MGAT4C: variants seen among roughly 807,000 people sequenced by gnomAD.
The protein encoded by MGAT4C is MGAT4 family member C.
A neutral mutation model predicts 40.1 loss-of-function variants in MGAT4C; 19 were observed. The ratio of observed to expected loss-of-function variants is 0.47; its 90% CI spans 0.33 to 0.70. The LOEUF (loss-of-function observed/expected upper bound fraction) is 0.70, where lower values mean the gene tolerates loss of function less well. MGAT4C is among the 30% of genes least tolerant of loss of function. The pLI is 0.02. For synonymous variants in MGAT4C, 181 were observed against 187.1 expected (o/e 0.97, Z 0.27); for missense variants, 491 against 563.2 (o/e 0.87, Z 1.30).
chr12:86,017,203 AGT>A (rs754023305), intron 2 of MGAT4C, among the ~76,000 whole-genome samples: 1 of 151,858 alleles, frequency 6.6e-6, no homozygotes, highest in Non-Finnish European at 1.5e-5. Context: ...CTGTGGTTTG[AGT>A]GTGTGTGTGT....
chr12:86,598,050 A>ACTTTTCTATGTAAAGAAAAGTAACTTTT, intron 2 of MGAT4C, among the ~76,000 whole-genome samples: 3 of 152,126 alleles, frequency 2.0e-5, no homozygotes, highest in Middle Eastern at 3.4e-3. Context: ...TTTATACTTT[A>ACTTTTCTATGTAAAGAAAAGTAACTTTT]CTTTTCTATG....
intron 2 of MGAT4C, among the ~76,000 whole-genome samples, chr12:85,996,944 T>A (rs940808918): frequency 6.6e-6 from 1 of 152,132 alleles, no homozygotes; most frequent in African/African-American, 2.4e-5. Context: ...CACTATCAAA[T>A]AAATTAATCT....
Position 86,357,334 on chromosome 12 carries a change from C to A in MGAT4C, c.-119-23207G>T, listed in dbSNP as rs565578467. Among the ~76,000 whole-genome samples, 7 of 152,262 alleles carry A rather than the reference C, an allele frequency of 4.6e-5. No homozygotes were observed. In the South Asian group the frequency reaches 1.4e-3, roughly 32 times the overall value. On this transcript the variant is annotated intron_variant, in intron 3 of 7. Coordinates refer to the MGAT4C transcript ENST00000548651. ...AACCCCATCTGTACGTCACCATCAT[C>A]AAAGACCAAAGGTAGATAACACCAC...
intron 1 of MGAT4C, among the ~76,000 whole-genome samples, chr12:86,732,014 G>C (rs1950918504): frequency 1.3e-5 from 2 of 152,104 alleles, no homozygotes; most frequent in African/African-American, 4.8e-5. Context: ...GCTGGGCCTA[G>C]GTTTATGCAG....
chr12:86,522,478 T>C (rs1445617580), intron 2 of MGAT4C, among the ~76,000 whole-genome samples: 1 of 152,214 alleles, frequency 6.6e-6, no homozygotes, highest in Non-Finnish European at 1.5e-5. Flanking sequence ...ATAAGATTTT[T>C]GATGTGCTGC....
At chr12:86,381,939 C>T (rs1296717193) in intron 3 of MGAT4C, among the ~76,000 whole-genome samples, 2 of 152,186 alleles carry the variant, frequency 1.3e-5, no homozygotes, top group Non-Finnish European at 2.9e-5. Flanking sequence ...TGCCTTTCAC[C>T]TTCTGCCATG....
chr12:86,426,192 C>T (rs957249691), intron 3 of MGAT4C, among the ~76,000 whole-genome samples: 1 of 152,110 alleles, frequency 6.6e-6, no homozygotes, highest in Non-Finnish European at 1.5e-5. Context: ...GTCCATCAGT[C>T]ATTGACTCTT....
intron 3 of MGAT4C, among the ~76,000 whole-genome samples, chr12:86,413,327 C>A (rs1956643360): frequency 6.6e-6 from 1 of 151,996 alleles, no homozygotes; most frequent in Non-Finnish European, 1.5e-5. Flanking sequence ...TAATAGGAGG[C>A]AAAGAAGCTT....
At chr12:86,094,983 A>T (rs906223718) in intron 1 of MGAT4C, among the ~76,000 whole-genome samples, 14 of 152,138 alleles carry the variant, frequency 9.2e-5, no homozygotes, top group Non-Finnish European at 1.5e-4. Context: ...GTGGCAGAGA[A>T]TGTTAGCTAT....
chr12:86,560,208 TA>T (rs1195949485), intron 2 of MGAT4C, among the ~76,000 whole-genome samples: 1 of 152,062 alleles, frequency 6.6e-6, no homozygotes, highest in African/African-American at 2.4e-5. Context: ...ACCAAGCTTA[TA>T]AAGGAGAGAT....
chr12:86,571,651 A>C (rs1960371428), intron 2 of MGAT4C, among the ~76,000 whole-genome samples: 1 of 152,052 alleles, frequency 6.6e-6, no homozygotes, highest in Non-Finnish European at 1.5e-5. Flanking sequence ...GTATTTATAT[A>C]TGTACATGTG....
intron 2 of MGAT4C, among the ~76,000 whole-genome samples, chr12:86,049,241 T>G (rs1277221949): frequency 6.6e-6 from 1 of 152,022 alleles, no homozygotes; most frequent in African/African-American, 2.4e-5. Flanking sequence ...TGTAAGATTC[T>G]AATGTTCTTG....
chr12:86,299,951 A>T (rs1307005273), intron 4 of MGAT4C, among the ~76,000 whole-genome samples: 1 of 152,200 alleles, frequency 6.6e-6, no homozygotes, highest in Non-Finnish European at 1.5e-5. Context: ...TATTTAATAA[A>T]CTTTGCATTT....
At chr12:86,828,388 T>C (rs532076111) in intron 1 of MGAT4C, among the ~76,000 whole-genome samples, 6 of 151,548 alleles carry the variant, frequency 4.0e-5, no homozygotes, top group East Asian at 3.9e-4. Flanking sequence ...CAGGCTAGAG[T>C]ATAACATTAT....
chr12:86,538,086 C>CAATAAATA (rs1357500465), intron 2 of MGAT4C, among the ~76,000 whole-genome samples: 1 of 151,636 alleles, frequency 6.6e-6, no homozygotes, highest in Non-Finnish European at 1.5e-5. Flanking sequence ...GACTCCATCT[C>CAATAAATA]AATAAATAAA....
chr12:86,367,945 C>T (rs780464853), intron 3 of MGAT4C, among the ~76,000 whole-genome samples: 10 of 152,210 alleles, frequency 6.6e-5, no homozygotes, highest in Admixed American at 2.0e-4. Flanking sequence ...ATAAACCTAT[C>T]CTTCACTGTC....
At position 85,977,768 on chromosome 12, in the gene MGAT4C, A is replaced by G. The variant is rs1884101275; in HGVS notation, c.*1521T>C. ...ATTTCCTCATTCTGTCTTACCAGCA[A>G]AAGTCTAGCCTTCACACACACACAC... is the stretch of plus-strand genomic sequence containing the variant. On this transcript the variant is annotated 3_prime_UTR_variant, in exon 5 of 5. Transcript: ENST00000611864. 1 of 145,200 alleles carries G rather than the reference A, an allele frequency of 6.9e-6. No individual in the cohort carries two copies. The highest frequency in any genetic ancestry group is 2.6e-5 in the African/African-American group (1 of 39,156). 9.0% of individuals were successfully genotyped at this position (145,200 alleles called of 1,614,324 possible).
intron 3 of MGAT4C, among the ~76,000 whole-genome samples, chr12:86,382,496 T>C (rs1955955829): frequency 6.6e-6 from 1 of 152,156 alleles, no homozygotes; most frequent in African/African-American, 2.4e-5. Flanking sequence ...AAATCAGATT[T>C]TTTGAGGAAA....
chr12:86,550,322 T>C (rs1022005788), intron 2 of MGAT4C, among the ~76,000 whole-genome samples: 3 of 152,140 alleles, frequency 2.0e-5, no homozygotes, highest in African/African-American at 7.2e-5. Context: ...ACCAGTCCCA[T>C]TGCCACTCCA....
Sources: gnomAD v4.1 joint callset for allele counts (sites outside exome capture counted in the v4.1 genomes callset) on GRCh38, gnomAD v4.1.1 for gene constraint, MANE v1.5 for transcripts, NCBI Gene and HGNC (gene_info 2026-07-23, HGNC 2026-07-21) for gene names.